PTPDC1: variants seen among roughly 807,000 people sequenced by gnomAD.
PTPDC1 encodes the protein protein tyrosine phosphatase domain containing 1.
PTPDC1 carries 53 observed loss-of-function variants against 75.3 expected under a neutral mutation model. That is an observed-to-expected ratio of 0.70 (90% CI 0.56 to 0.88). The LOEUF (loss-of-function observed/expected upper bound fraction) is 0.88. PTPDC1 is among the 40% of genes least tolerant of loss of function. The probability of loss-of-function intolerance (pLI) is 0.00; values close to 1 mark genes in which losing one functional copy is unlikely to be tolerated. For missense variants in PTPDC1, 925 were observed against 998.6 expected (o/e 0.93, Z 0.99); for synonymous variants, 349 against 366.2 (o/e 0.95, Z 0.54).
chr9:94,079,759 C>T (rs1317248706), upstream of PTPDC1, among the ~76,000 whole-genome samples: 2 of 152,222 alleles, frequency 1.3e-5, no homozygotes, highest in Admixed American at 1.3e-4. Flanking sequence ...AGTCTACTAG[C>T]CATGTCTCTG....
rs767238914 is a variant in PTPDC1 at position 94,098,561 on chromosome 9, G to A, written c.1995G>A (p.Arg665=). The A allele has an allele frequency of 7.4e-6, 12 of 1,613,392 alleles. No individual in the cohort carries two copies. The highest frequency in any genetic ancestry group is 6.7e-5 in the East Asian group (3 of 44,902). The part of the protein sequence containing the change: ...NESVEKEELK[R]KVEMWQKELN... ...CTGTAGAAAAGGAGGAACTAAAAAG[G>A]AAGGTAGAAATGTGGCAGGTATTAT... Residue 665 remains arginine, a synonymous_variant, in exon 6 of 9, where the codon AGG becomes AGA. Coordinates refer to ENST00000620992, the MANE Select transcript of PTPDC1 (RefSeq NM_001253829.2).
intron 4 of PTPDC1, 102 bp from the exon 5 acceptor site, chr9:94,095,215 A>G: frequency 5.9e-6 from 5 of 851,758 alleles, no homozygotes; most frequent in East Asian, 2.5e-5. Context: ...ACTGAGATCT[A>G]CATGCCTCAG....
intron 1 of PTPDC1, among the ~76,000 whole-genome samples, chr9:94,036,097 A>C (rs1291743799): frequency 6.9e-6 from 1 of 144,782 alleles, no homozygotes; most frequent in African/African-American, 2.6e-5. Context: ...ATCCCTTATC[A>C]GATATATGGT....
At chr9:94,048,582 A>G (rs1825688163) in intron 1 of PTPDC1, among the ~76,000 whole-genome samples, 1 of 152,090 alleles carries the variant, frequency 6.6e-6, no homozygotes, top group African/African-American at 2.4e-5. Context: ...GTTTGTTACA[A>G]TTTCTGTTCT....
upstream of PTPDC1, among the ~76,000 whole-genome samples, chr9:94,080,796 A>G (rs1456032657): frequency 6.6e-6 from 1 of 152,184 alleles, no homozygotes; most frequent in Non-Finnish European, 1.5e-5. Context: ...TTTTTGGAGT[A>G]ATCAGTGAAG....
At chr9:94,075,064 T>G (rs1038885135) in intron 2 of PTPDC1, among the ~76,000 whole-genome samples, 4 of 152,126 alleles carry the variant, frequency 2.6e-5, no homozygotes, top group African/African-American at 4.8e-5. Flanking sequence ...GAGGCACAGC[T>G]CACAGATAGA....
In PTPDC1 at chr9:94,038,273, A is replaced by G. The variant is rs551848162; in HGVS notation, c.-7+7146A>G. 7.9e-5 allele frequency: 66 copies of G among 833,932 alleles called. 2 individuals are homozygous for G. In the South Asian group the frequency reaches 8.9e-4, roughly 11 times the overall value. The allele number at this position is 833,932 out of a possible 1,614,324, so 51.7% of individuals were successfully genotyped here. On this transcript the variant is annotated intron_variant, in intron 1 of 9. Coordinates refer to the PTPDC1 transcript ENST00000375360. ...GAAGTACATCCCTGGAACAAAAATGATCTTTGCTGGCATTAAGAAGAAGGC... is the reference window on the plus strand; with the variant it reads ...GAAGTACATCCCTGGAACAAAAATGGTCTTTGCTGGCATTAAGAAGAAGGC...
chr9:94,039,639 G>A (rs1345639132), intron 1 of PTPDC1, among the ~76,000 whole-genome samples: 1 of 152,048 alleles, frequency 6.6e-6, no homozygotes, highest in East Asian at 1.9e-4. Context: ...TTTTAAATGA[G>A]GCAGGAGGAT....
intron 2 of PTPDC1, among the ~76,000 whole-genome samples, chr9:94,076,997 C>T (rs901044483): frequency 6.6e-6 from 1 of 152,134 alleles, no homozygotes; most frequent in Non-Finnish European, 1.5e-5. Context: ...GAAATGCCCA[C>T]TCAAATTATT....
At position 94,087,815 on chromosome 9, in the gene PTPDC1, C is replaced by G. The variant is rs1200224412; in HGVS notation, c.417-16C>G. ...AGGTTTCAGCACATCTCACCAGTCC[C>G]TCCACCTATTTGCAGGGTCACTGAT... On this transcript the variant is annotated splice_polypyrimidine_tract_variant and intron_variant, in intron 2 of 8. Transcript: ENST00000620992. 3.7e-6 allele frequency: 6 copies of G among 1,602,068 alleles called. No homozygotes were observed. The African/African-American group carries it at 6.7e-5, about 18-fold the overall frequency.
At chr9:94,095,253 T>TCG in intron 4 of PTPDC1, 64 bp from the exon 5 acceptor site, 1 of 1,298,300 alleles carries the variant, frequency 7.7e-7, no homozygotes, top group Non-Finnish European at 1.1e-6. Flanking sequence ...GTACTTTTCA[T>TCG]TAGTGTTTGT....
chr9:94,098,870 G>T (rs1827729811), intron 6 of PTPDC1, among the ~76,000 whole-genome samples: 1 of 152,214 alleles, frequency 6.6e-6, no homozygotes, highest in Admixed American at 6.5e-5. Flanking sequence ...GCCTATGGGG[G>T]CAACTGGCCC....
In PTPDC1 at chr9:94,039,839, T is replaced by C. The variant is rs1240232336; in HGVS notation, c.-7+8712T>C. Among the ~76,000 whole-genome samples, 5 of 151,752 alleles carry C rather than the reference T, an allele frequency of 3.3e-5. No homozygotes were observed. The East Asian group carries it at 9.6e-4, about 29-fold the overall frequency. ...TTCCATTAGTTTACTAATCTGTCTCTTTCTTAATCTATAGTAGATTCTGTT... is the reference window on the plus strand; with the variant it reads ...TTCCATTAGTTTACTAATCTGTCTCCTTCTTAATCTATAGTAGATTCTGTT... On this transcript the variant is annotated intron_variant, in intron 1 of 9. Coordinates refer to the PTPDC1 transcript ENST00000375360.
chr9:94,065,329 G>T (rs113856596), intron 2 of PTPDC1, among the ~76,000 whole-genome samples: 1 of 152,220 alleles, frequency 6.6e-6, no homozygotes, highest in Non-Finnish European at 1.5e-5. Flanking sequence ...GAGCCTCCCT[G>T]CTTCTGCTTT....
At chr9:94,043,354 A>G (rs1052409554) in intron 1 of PTPDC1, among the ~76,000 whole-genome samples, 6 of 152,286 alleles carry the variant, frequency 3.9e-5, no homozygotes, top group Middle Eastern at 3.4e-3. Context: ...TACTATCTAC[A>G]TGTTTTCAGC....
At chr9:94,094,340 G>A (rs937326033) in intron 4 of PTPDC1, among the ~76,000 whole-genome samples, 2 of 105,976 alleles carry the variant, frequency 1.9e-5, no homozygotes, top group Non-Finnish European at 1.7e-5. Context: ...ATACCCTGCC[G>A]TGTGAGGTGT....
At chr9:94,072,053 A>G (rs1173664395) in intron 2 of PTPDC1, among the ~76,000 whole-genome samples, 1 of 152,054 alleles carries the variant, frequency 6.6e-6, no homozygotes, top group Admixed American at 6.6e-5. Context: ...GTTGCCCAGG[A>G]TGGGAGTGCA....
intron 1 of PTPDC1, among the ~76,000 whole-genome samples, chr9:94,059,290 G>C (rs573337476): frequency 7.1e-4 from 108 of 152,296 alleles, no homozygotes; most frequent in African/African-American, 2.5e-3. Flanking sequence ...GGAAATTATA[G>C]ATTAACTGAA....
At chr9:94,067,645 A>G (rs1826357222) in intron 2 of PTPDC1, among the ~76,000 whole-genome samples, 1 of 152,262 alleles carries the variant, frequency 6.6e-6, no homozygotes, top group Non-Finnish European at 1.5e-5. Flanking sequence ...TTTGTCTCCC[A>G]GGCTGGAGTG....
Sources: allele counts gnomAD v4.1 joint callset (sites outside exome capture counted in the v4.1 genomes callset), GRCh38; gene constraint gnomAD v4.1.1; transcripts MANE v1.5; gene names NCBI Gene and HGNC (gene_info 2026-07-23, HGNC 2026-07-21).